NCALD: variants seen among roughly 807,000 people sequenced by gnomAD.
NCALD encodes the protein neurocalcin delta.
Under a neutral mutation model 18.6 loss-of-function variants are expected in NCALD, and 10 were observed. The observed-to-expected ratio is 0.54, with a 90% CI of 0.33 to 0.91. NCALD has a LOEUF of 0.91. Among genes scored for constraint, NCALD ranks in the 40% least tolerant of loss-of-function variants. The pLI, the probability that NCALD is intolerant of heterozygous loss-of-function variation, is 0.03. For synonymous variants in NCALD, 88 were observed against 87.4 expected, an observed-to-expected ratio of 1.01 and a Z score of -0.04; for missense variants, 184 against 247.6, an observed-to-expected ratio of 0.74 and a Z score of 1.72.
At chr8:101,725,674 G>A (rs898724570) in intron 1 of NCALD, among the ~76,000 whole-genome samples, 1 of 152,130 alleles carries the variant, frequency 6.6e-6, no homozygotes, top group Admixed American at 6.5e-5. Flanking sequence ...GGCTCACTTC[G>A]GCCCCACACC....
chr8:101,898,985 C>A (rs1817315989), intron 3 of NCALD, among the ~76,000 whole-genome samples: 1 of 151,996 alleles, frequency 6.6e-6, no homozygotes, highest in African/African-American at 2.4e-5. Flanking sequence ...GAACTGACAT[C>A]TTTACTAAGT....
intron 1 of NCALD, among the ~76,000 whole-genome samples, chr8:101,754,824 G>A (rs527355381): frequency 1.3e-5 from 2 of 152,138 alleles, no homozygotes; most frequent in African/African-American, 4.8e-5. Flanking sequence ...GATACACTCG[G>A]CACAGGGCCA....
intron 2 of NCALD, among the ~76,000 whole-genome samples, chr8:101,979,522 A>G (rs1820540345): frequency 2.0e-5 from 3 of 152,248 alleles, no homozygotes; most frequent in South Asian, 2.1e-4. Context: ...CAGCAAATCA[A>G]CAAGTAACCA....
At chr8:102,102,348 G>A (rs1382559587) in intron 1 of NCALD, among the ~76,000 whole-genome samples, 1 of 152,164 alleles carries the variant, frequency 6.6e-6, no homozygotes, top group Non-Finnish European at 1.5e-5. Context: ...AGAGACGGAG[G>A]CAGAAACTAC....
intron 2 of NCALD, among the ~76,000 whole-genome samples, chr8:101,706,718 A>AC: frequency 6.6e-6 from 1 of 152,316 alleles, no homozygotes; most frequent in East Asian, 1.9e-4. Flanking sequence ...CAGGGATAAC[A>AC]CCCTATGATG....
chr8:101,738,088 A>G (rs1319297372), intron 1 of NCALD, among the ~76,000 whole-genome samples: 1 of 152,156 alleles, frequency 6.6e-6, no homozygotes, highest in African/African-American at 2.4e-5. Context: ...TTCTTTCTGT[A>G]TCTGGGAAAC....
At chr8:101,868,730 TG>T (rs949291029) in intron 4 of NCALD, among the ~76,000 whole-genome samples, 12 of 152,182 alleles carry the variant, frequency 7.9e-5, no homozygotes, top group African/African-American at 2.9e-4. Flanking sequence ...TTCATTTGCA[TG>T]GGGTATATGC....
chr8:102,096,488 A>C (rs1488425131), intron 1 of NCALD, among the ~76,000 whole-genome samples: 2 of 152,218 alleles, frequency 1.3e-5, no homozygotes, highest in Non-Finnish European at 2.9e-5. Flanking sequence ...TAAGTAACAA[A>C]AGGACCAGAG....
intron 3 of NCALD, among the ~76,000 whole-genome samples, chr8:101,912,754 T>C (rs1019023711): frequency 3.9e-4 from 59 of 152,354 alleles, no homozygotes; most frequent in African/African-American, 1.1e-3. Context: ...AGTCATGTCC[T>C]ATGTAATCCC....
chr8:101,880,292 G>A (rs1816432985), intron 4 of NCALD, among the ~76,000 whole-genome samples: 1 of 152,158 alleles, frequency 6.6e-6, no homozygotes, highest in South Asian at 2.1e-4. Flanking sequence ...GCCGCTCGGA[G>A]TGCGGGGCCC....
chr8:102,106,468 C>CATAT (rs1825458002), intron 1 of NCALD, among the ~76,000 whole-genome samples: 2 of 127,692 alleles, frequency 1.6e-5, no homozygotes, highest in Admixed American at 7.8e-5. Flanking sequence ...TATATATATA[C>CATAT]ACACACACAC....
chr8:101,810,795 C>G (rs1349466052), intron 4 of NCALD, among the ~76,000 whole-genome samples: 1 of 151,970 alleles, frequency 6.6e-6, no homozygotes. Context: ...AAAAGCTTTT[C>G]TATCATAACC....
chr8:101,855,649 C>A (rs1167380962), intron 4 of NCALD, among the ~76,000 whole-genome samples: 2 of 152,092 alleles, frequency 1.3e-5, no homozygotes, highest in African/African-American at 4.8e-5. Flanking sequence ...CATCACACAT[C>A]TTGACAGAGA....
chr8:101,857,230 C>T (rs11995792), intron 4 of NCALD, among the ~76,000 whole-genome samples: 2,379 of 152,266 alleles, frequency 0.016, 70 homozygotes, highest in African/African-American at 0.051. Flanking sequence ...CTTCCTCCTC[C>T]AACTCTGTCT....
chr8:102,112,013 C>A (rs1407477360), intron 1 of NCALD, among the ~76,000 whole-genome samples: 1 of 152,132 alleles, frequency 6.6e-6, no homozygotes, highest in African/African-American at 2.4e-5. Flanking sequence ...GGATGTTCAC[C>A]ACTGAAAGAA....
At chr8:101,923,435 T>G (rs1323492945) in intron 2 of NCALD, among the ~76,000 whole-genome samples, 1 of 152,190 alleles carries the variant, frequency 6.6e-6, no homozygotes, top group African/African-American at 2.4e-5. Flanking sequence ...ATAAGTGACC[T>G]TGGAGCAGTC....
At chr8:102,118,904 C>T (rs554152730) in intron 1 of NCALD, among the ~76,000 whole-genome samples, 1 of 152,192 alleles carries the variant, frequency 6.6e-6, no homozygotes, top group Non-Finnish European at 1.5e-5. Flanking sequence ...TTCACACCTA[C>T]TAGCATGGCT....
At chr8:102,093,803 C>T (rs1475839854) in intron 1 of NCALD, among the ~76,000 whole-genome samples, 1 of 152,174 alleles carries the variant, frequency 6.6e-6, no homozygotes, top group Non-Finnish European at 1.5e-5. Flanking sequence ...CACCCTTGTG[C>T]TTTTGAGCCA....
chr8:101,786,897 T>G (rs1812249019), intron 1 of NCALD, among the ~76,000 whole-genome samples: 1 of 152,198 alleles, frequency 6.6e-6, no homozygotes, highest in Non-Finnish European at 1.5e-5. Context: ...ATGCCGTGTC[T>G]TTATTTAAAG....
Sources: gnomAD v4.1 joint callset for allele counts (sites outside exome capture counted in the v4.1 genomes callset) on GRCh38, gnomAD v4.1.1 for gene constraint, MANE v1.5 for transcripts, NCBI Gene and HGNC (gene_info 2026-07-23, HGNC 2026-07-21) for gene names.